Variants in CSMD3 observed in about 807,000 individuals in gnomAD.
The protein encoded by CSMD3 is CUB and sushi domain-containing protein 3.
CSMD3 carries 177 observed loss-of-function variants against 435.2 expected under a neutral mutation model. The ratio of observed to expected loss-of-function variants is 0.41; its 90% confidence interval spans 0.36 to 0.46. CSMD3 has a LOEUF of 0.46. Ranked by LOEUF, CSMD3 falls within the 20% of genes least tolerant of loss-of-function variation. The pLI is 0.34. For missense variants in CSMD3, 4,265 were observed against 4,504.6 expected, an observed-to-expected ratio of 0.95 and a Z score of 1.52; for synonymous variants, 1,656 against 1,520.5, an observed-to-expected ratio of 1.09 and a Z score of -2.07.
At chr8:113,027,524 C>T (rs2086919194) in intron 5 of CSMD3, among the ~76,000 whole-genome samples, 1 of 152,080 alleles carries the variant, frequency 6.6e-6, no homozygotes, top group South Asian at 2.1e-4. Context: ...TCATAGATGC[C>T]TGACTGTGCT....
chr8:113,139,969 TG>T (rs1453443462), intron 4 of CSMD3, among the ~76,000 whole-genome samples: 1 of 151,118 alleles, frequency 6.6e-6, no homozygotes, highest in Non-Finnish European at 1.5e-5. Context: ...TATAGTCTTT[TG>T]GGTTTATTAT....
intron 32 of CSMD3, among the ~76,000 whole-genome samples, chr8:112,456,315 A>G (rs1008894263): frequency 6.6e-6 from 1 of 152,142 alleles, no homozygotes; most frequent in Admixed American, 6.6e-5. Flanking sequence ...GGTAAGTTTT[A>G]GAATTTAGCA....
chr8:112,267,262 C>G (rs1373530418), intron 59 of CSMD3, among the ~76,000 whole-genome samples: 2 of 152,058 alleles, frequency 1.3e-5, no homozygotes, highest in African/African-American at 4.8e-5. Flanking sequence ...TCAGAGCATT[C>G]AACCTCATAA....
At chr8:113,307,666 A>C (rs1452336245) in intron 2 of CSMD3, among the ~76,000 whole-genome samples, 1 of 152,204 alleles carries the variant, frequency 6.6e-6, no homozygotes, top group Non-Finnish European at 1.5e-5. Flanking sequence ...AGATCCTTAT[A>C]ATTTGATACA....
At chr8:112,802,694 T>C (rs1157353378) in intron 12 of CSMD3, among the ~76,000 whole-genome samples, 7 of 151,928 alleles carry the variant, frequency 4.6e-5, no homozygotes, top group Non-Finnish European at 1.0e-4. Context: ...GATTGGGATA[T>C]GAACGGTAGT....
chr8:113,120,541 G>A (rs761361931), intron 4 of CSMD3, among the ~76,000 whole-genome samples: 50 of 152,212 alleles, frequency 3.3e-4, no homozygotes, highest in South Asian at 1.9e-3. Flanking sequence ...AGTAAGCAGC[G>A]TTTTATGTAT....
At chr8:112,397,954 ATATG>A (rs747215119) in intron 35 of CSMD3, among the ~76,000 whole-genome samples, 16 of 152,218 alleles carry the variant, frequency 1.1e-4, no homozygotes, top group Non-Finnish European at 2.1e-4. Flanking sequence ...TGTCAATCAC[ATATG>A]GGTGACACTT....
At chr8:113,344,978 A>T (rs1486237310) in intron 1 of CSMD3, among the ~76,000 whole-genome samples, 1 of 152,094 alleles carries the variant, frequency 6.6e-6, no homozygotes, top group Non-Finnish European at 1.5e-5. Flanking sequence ...TACAGATTTC[A>T]TAAGTCATGT....
chr8:112,261,067 T>C (rs1272450270), intron 61 of CSMD3, among the ~76,000 whole-genome samples: 2 of 152,136 alleles, frequency 1.3e-5, no homozygotes, highest in Non-Finnish European at 2.9e-5. Context: ...TCTCTCATGC[T>C]CAATCTAACT....
intron 22 of CSMD3, among the ~76,000 whole-genome samples, chr8:112,622,719 A>G (rs1834172505): frequency 6.6e-6 from 1 of 152,130 alleles, no homozygotes; most frequent in Admixed American, 6.6e-5. Context: ...ACACGTAGCT[A>G]TTTAAGCAAC....
intron 2 of CSMD3, among the ~76,000 whole-genome samples, chr8:113,282,744 C>T (rs2093621673): frequency 6.6e-6 from 1 of 151,886 alleles, no homozygotes; most frequent in Non-Finnish European, 1.5e-5. Context: ...TTCTAAAATT[C>T]ATATGGAACC....
At chr8:112,313,743 C>A (rs1011861312) in intron 49 of CSMD3, among the ~76,000 whole-genome samples, 163 bp downstream of exon 49, 1 of 151,826 alleles carries the variant, frequency 6.6e-6, no homozygotes, top group Non-Finnish European at 1.5e-5. Flanking sequence ...GAATTATTAT[C>A]ATTACAATAG....
intron 7 of CSMD3, among the ~76,000 whole-genome samples, chr8:112,960,333 CAA>C (rs1188919322): frequency 1.3e-5 from 2 of 151,538 alleles, no homozygotes; most frequent in East Asian, 3.9e-4. Flanking sequence ...GAAAACTAAA[CAA>C]TATTTCTGCA....
At chr8:112,692,821 C>T (rs2076165051) in intron 13 of CSMD3, among the ~76,000 whole-genome samples, 1 of 152,070 alleles carries the variant, frequency 6.6e-6, no homozygotes, top group African/African-American at 2.4e-5. Flanking sequence ...ATTCACATAA[C>T]TTTTATGACA....
intron 67 of CSMD3, among the ~76,000 whole-genome samples, chr8:112,235,033 C>T (rs1217263740): frequency 6.6e-6 from 1 of 152,074 alleles, no homozygotes; most frequent in Admixed American, 6.6e-5. Flanking sequence ...AGAGAGAGAT[C>T]ATTTCACACT....
Position 112,314,528 on chromosome 8 carries a change from A to G in CSMD3, c.7450T>C (p.Cys2484Arg). The G allele has an allele frequency of 1.2e-6, 2 of 1,611,628 alleles. No homozygotes were observed. Among genetic ancestry groups the G allele is most frequent in the Non-Finnish European group, 1.7e-6 (2 of 1,177,840 alleles). The change falls in exon 48 of 71, where the codon TGT becomes CGT. Residue 2484 changes from cysteine to arginine, a missense_variant. Transcript: ENST00000297405. ...YPDSYPNLQMCAWSISVEKGY... is the reference protein window; with the variant it reads ...YPDSYPNLQMRAWSISVEKGY... ...TTTTCCACTGAAATGCTCCATGCAC[A>G]CATTTGAAGATTTGGGTAACTGTCA...
intron 13 of CSMD3, among the ~76,000 whole-genome samples, chr8:112,700,399 G>A (rs925290393): frequency 1.3e-5 from 2 of 152,086 alleles, no homozygotes; most frequent in African/African-American, 4.8e-5. Flanking sequence ...TACTCGGGAG[G>A]TTGAGGCTGG....
chr8:112,477,190 T>G (rs1351919660), intron 31 of CSMD3, among the ~76,000 whole-genome samples: 5 of 152,260 alleles, frequency 3.3e-5, no homozygotes, highest in African/African-American at 1.2e-4. Flanking sequence ...TAAATCCATA[T>G]AAGCCTATTT....
At chr8:112,842,968 A>G (rs1263982746) in intron 11 of CSMD3, among the ~76,000 whole-genome samples, 6 of 151,802 alleles carry the variant, frequency 4.0e-5, no homozygotes, top group Non-Finnish European at 8.8e-5. Flanking sequence ...TGCAATCCAT[A>G]ATTTTATACA....
Sources: allele counts gnomAD v4.1 joint callset (sites outside exome capture counted in the v4.1 genomes callset), GRCh38; gene constraint gnomAD v4.1.1; transcripts MANE v1.5; gene names NCBI Gene and HGNC (gene_info 2026-07-23, HGNC 2026-07-21).